Variants in ESYT3 observed in about 807,000 individuals in gnomAD.
ESYT3 encodes the protein extended synaptotagmin-3.
In ESYT3, 101 loss-of-function variants were observed where a neutral mutation model predicts 111.5. That is an observed-to-expected ratio of 0.91 (90% CI 0.77 to 1.07). ESYT3 has a LOEUF of 1.07. Among genes scored for constraint, ESYT3 ranks in the 50% least tolerant of loss-of-function variants. The pLI, the probability that ESYT3 is intolerant of heterozygous loss-of-function variation, is 0.00. For synonymous variants in ESYT3, 416 were observed against 446.8 expected (o/e 0.93, Z 0.87); for missense variants, 1,097 against 1,109.4 (o/e 0.99, Z 0.16).
Position 138,476,278 on chromosome 3 carries a change from G to T in ESYT3, c.2524G>T (p.Val842Leu). 1 of 1,614,088 alleles carries T rather than the reference G, an allele frequency of 6.2e-7. No individual in the cohort carries two copies. Among genetic ancestry groups the T allele is most frequent in the South Asian group, 1.1e-5 (1 of 91,076 alleles). ...AAAGAAGAGGTCACTAGATGTTGCA[G>T]TGAAAAATAGTAGGCCACTTGGCTC... Reference protein sequence around the residue: ...EVKKRSLDVAVKNSRPLGSHR... With the variant: ...EVKKRSLDVALKNSRPLGSHR... The change falls in exon 21 of 23, where the codon GTG (valine) becomes TTG (leucine). Residue 842 changes from valine to leucine, a missense_variant. Val to Leu is a conservative substitution (Grantham distance 32). Transcript: ENST00000389567.
At chr3:138,455,544 G>A (rs2032225388) in intron 3 of ESYT3, among the ~76,000 whole-genome samples, 1 of 152,138 alleles carries the variant, frequency 6.6e-6, no homozygotes, top group South Asian at 2.1e-4. Context: ...ATCTCCCCAG[G>A]TTCCAAGGAA....
In ESYT3 at chr3:138,474,323, G is replaced by A; in HGVS notation, c.2439G>A (p.Arg813=). The A allele has an allele frequency of 1.2e-6, 2 of 1,602,904 alleles. No individual in the cohort carries two copies. The highest frequency in any genetic ancestry group is 1.7e-6 in the Non-Finnish European group (2 of 1,177,204). ...GTCGTAAGAAGACTTCAGTGAAGCG[G>A]AAGACCTTGGAACCCCTGTTTGATG... The part of the protein sequence containing the change: ...WACRKKTSVK[R]KTLEPLFDET... Residue 813 remains arginine (R), a synonymous_variant, in exon 20 of 23, where the codon CGG becomes CGA. Coordinates refer to ENST00000389567, the MANE Select transcript of ESYT3 (RefSeq NM_031913.5).
intron 14 of ESYT3, 37 bp downstream of exon 14, chr3:138,468,918 A>G (rs1483136294): frequency 1.2e-6 from 2 of 1,604,326 alleles, no homozygotes; most frequent in African/African-American, 2.7e-5. Flanking sequence ...CAGGGAGGGC[A>G]AATCACAGCT....
In ESYT3 at chr3:138,455,390, CCTCCCACCTTT is replaced by C. The variant is rs1256829818; in HGVS notation, c.504+71_504+81del. 2.8e-5 allele frequency: 45 copies of C among 1,583,968 alleles called. No individual in the cohort carries two copies. In the Admixed American group the frequency reaches 6.0e-4, roughly 21 times the overall value. The stretch of plus-strand genomic sequence containing the variant: ...GTGCAGTCTTCTCTCTGTTCCCTCT[CCTCCCACCTTT>C]CTCCCACCCAGGTCAGTCATATGAC... On this transcript the variant is annotated intron_variant, in intron 3 of 22. Transcript: ENST00000389567.
intron 1 of ESYT3, among the ~76,000 whole-genome samples, chr3:138,451,246 G>A (rs1396799059): frequency 6.6e-6 from 1 of 152,158 alleles, no homozygotes; most frequent in African/African-American, 2.4e-5. Context: ...TTGTGACCCC[G>A]TAGTTGGAAG....
chr3:138,464,202 G>GT, intron 8 of ESYT3, 143 bp from the exon 9 acceptor site: 1 of 904,662 alleles, frequency 1.1e-6, no homozygotes, highest in South Asian at 1.7e-5. Flanking sequence ...GGTCACTGCC[G>GT]TATCTGGCTT....
chr3:138,459,915 G>A lies in ESYT3; in HGVS notation c.649-30G>A, dbSNP rs529902700. 35 of 1,600,828 alleles carry A rather than the reference G, an allele frequency of 2.2e-5. No individual in the cohort carries two copies. The East Asian group carries it at 7.6e-4, about 35-fold the overall frequency. On this transcript the variant is annotated intron_variant, in intron 5 of 22. Coordinates refer to ENST00000389567, the MANE Select transcript of ESYT3 (RefSeq NM_031913.5). ...AGGCATGGGGAGAAAGTAGGCCTGGGCCCCTCACGGGCCCTCTGTGCCTAT... is the reference window on the plus strand; with the variant it reads ...AGGCATGGGGAGAAAGTAGGCCTGGACCCCTCACGGGCCCTCTGTGCCTAT...
In ESYT3 at chr3:138,472,719, G is replaced by C; in HGVS notation, c.2097G>C (p.Gly699=). The part of the protein sequence containing the change: ...FLTVPGPHSP[G]PIKSPRPMKC... ...CTGTCCCAGGTCCCCACTCTCCAGG[G>C]CCCATCAAGTCACCCAGACCCATGA... Residue 699 remains glycine (G), a synonymous_variant, in exon 18 of 23, where the codon GGG becomes GGC. Transcript: ENST00000389567. 1 of 1,614,150 alleles carries C rather than the reference G, an allele frequency of 6.2e-7. No homozygotes were observed. The highest frequency in any genetic ancestry group is 2.2e-5 in the East Asian group (1 of 44,874).
intron 10 of ESYT3, 51 bp downstream of exon 10, chr3:138,465,472 G>A (rs751892158): frequency 7.7e-6 from 11 of 1,436,196 alleles, no homozygotes; most frequent in Middle Eastern, 2.4e-4. Flanking sequence ...CCCTCCCTGC[G>A]GGGTGCTGGG....
chr3:138,450,037 G>A (rs1053140724), intron 1 of ESYT3, among the ~76,000 whole-genome samples: 1 of 152,162 alleles, frequency 6.6e-6, no homozygotes, highest in African/African-American at 2.4e-5. Flanking sequence ...TCCCCAACTT[G>A]GGACACCCAG....
chr3:138,474,416 A>T lies in ESYT3; in HGVS notation c.2468+64A>T, dbSNP rs1302491668. The T allele has an allele frequency of 4.8e-5, 73 of 1,513,944 alleles. 2 individuals carry two copies. The highest frequency in any genetic ancestry group is 1.8e-5 in the Non-Finnish European group (20 of 1,135,436). The allele number at this position is 1,513,944 out of a possible 1,614,324, so 93.8% of individuals were successfully genotyped here. ...TTCAAGTATTTTCCAAGTACCTGTT[A>T]TGTTGCCTGGCAGCCTGCCAGATGC... On this transcript the variant is annotated intron_variant, in intron 20 of 22. Transcript: ENST00000389567.
rs1037986375 is a variant in ESYT3, at chr3:138,470,529, G to T, written c.1591-348G>T. On this transcript the variant is annotated intron_variant, in intron 16 of 22. Coordinates refer to ENST00000389567, the MANE Select transcript of ESYT3 (RefSeq NM_031913.5). ...CAAAGAGAGGCAAAAACAATGTCTT[G>T]TCCAAGATCTCATGACCAACAAGTG... 5 of 1,141,156 alleles carry T rather than the reference G, an allele frequency of 4.4e-6. No homozygotes were observed. The African/African-American group carries it at 7.8e-5, about 18-fold the overall frequency. The allele number at this position is 1,141,156 out of a possible 1,614,324, so 70.7% of individuals were successfully genotyped here.
intron 9 of ESYT3, among the ~76,000 whole-genome samples, chr3:138,464,946 C>T (rs930862343): frequency 1.3e-5 from 2 of 152,168 alleles, no homozygotes; most frequent in African/African-American, 2.4e-5. Flanking sequence ...CTCAACTTCT[C>T]CTCTCAATAT....
At chr3:138,458,414 G>A (rs1365952647) in intron 4 of ESYT3, among the ~76,000 whole-genome samples, 4 of 152,236 alleles carry the variant, frequency 2.6e-5, no homozygotes, top group Admixed American at 2.0e-4. Context: ...TCGAGGTTGT[G>A]TGGCCCACTC....
At chr3:138,474,548 CTACA>C in intron 20 of ESYT3, 196 bp downstream of exon 20, 1 of 493,788 alleles carries the variant, frequency 2.0e-6, no homozygotes, top group Non-Finnish European at 3.4e-6. Flanking sequence ...AAATGGCCAC[CTACA>C]TTTACTGCTC....
rs201799665 is a variant in ESYT3, at chr3:138,469,474, A to G, written c.1473A>G (p.Leu491=). 2 of 1,613,954 alleles carry G rather than the reference A, an allele frequency of 1.2e-6. No individual in the cohort carries two copies. The highest frequency in any genetic ancestry group is 2.7e-5 in the African/African-American group (2 of 74,900). ...AAGACCCTTCTTCCTATGTCAAACT[A>G]TCTGTAGGCAAGAAGACACATACAA... ...VSKDPSSYVK[L]SVGKKTHTSK... The change falls in exon 15 of 23, where the codon CTA becomes CTG. Residue 491 remains leucine, a synonymous_variant. Transcript: ENST00000389567.
At position 138,477,086 on chromosome 3, in the gene ESYT3, C is replaced by G. The variant is rs2033520059; in HGVS notation, c.*232C>G. 1 of 414,714 alleles carries G rather than the reference C, an allele frequency of 2.4e-6. No individual in the cohort carries two copies. Among genetic ancestry groups the G allele is most frequent in the East Asian group, 4.2e-5 (1 of 23,546 alleles). The allele number at this position is 414,714 out of a possible 1,614,324, so 25.7% of individuals were successfully genotyped here. A position where few individuals can be genotyped will look rare whatever the true frequency, so the allele number is the denominator to read the frequency against. ...CTTTTTTTGGTTGGATTTTTTTGTT[C>G]AAGTCCAGAAAGAAATGTTATATTT... is the stretch of plus-strand genomic sequence containing the variant. On this transcript the variant is annotated 3_prime_UTR_variant, in exon 23 of 23. Transcript: ENST00000389567.
At position 138,478,324 on chromosome 3, in the gene ESYT3, GTACA is replaced by G. The variant is rs2033579146; in HGVS notation, c.*1473_*1476del. Reference sequence around the variant, plus strand: ...CCCTCACCATCCAAGACCGTGTTAAGTACATAGAAGATGCATGGTGAAATTCGTT... The same window carrying G: ...CCCTCACCATCCAAGACCGTGTTAAGTAGAAGATGCATGGTGAAATTCGTT... On this transcript the variant is annotated 3_prime_UTR_variant, in exon 23 of 23. Transcript: ENST00000389567. The G allele has an allele frequency of 2.0e-5, 3 of 152,256 alleles. No individual in the cohort carries two copies. The highest frequency in any genetic ancestry group is 2.0e-4 in the Admixed American group (3 of 15,300). The allele number at this position is 152,256 out of a possible 1,614,324, so 9.4% of individuals were successfully genotyped here.
At chr3:138,436,028 T>C (rs915515845) in intron 1 of ESYT3, among the ~76,000 whole-genome samples, 5 of 152,160 alleles carry the variant, frequency 3.3e-5, no homozygotes, top group Admixed American at 2.0e-4. Context: ...GACCCCTCAC[T>C]GTCTCTAGCC....
Sources: gnomAD v4.1 joint callset for allele counts (sites outside exome capture counted in the v4.1 genomes callset) on GRCh38, gnomAD v4.1.1 for gene constraint, MANE v1.5 for transcripts, NCBI Gene and HGNC (gene_info 2026-07-23, HGNC 2026-07-21) for gene names.